Variants in SLC24A2 observed in about 807,000 individuals in gnomAD.
SLC24A2 encodes sodium/potassium/calcium exchanger 2.
A neutral mutation model predicts 62.0 loss-of-function variants in SLC24A2; 36 were observed. The ratio of observed to expected loss-of-function variants is 0.58; its 90% CI spans 0.44 to 0.77. The LOEUF is 0.77. Among genes scored for constraint, SLC24A2 ranks in the 30% least tolerant of loss-of-function variants. The pLI is 0.00. For missense variants in SLC24A2, 846 were observed against 817.9 expected, an observed-to-expected ratio of 1.03 and a Z score of -0.42; for synonymous variants, 358 against 294.0, an observed-to-expected ratio of 1.22 and a Z score of -2.23.
At chr9:20,305,767 G>A in the SLC24A2 span, among the ~76,000 whole-genome samples, 2 of 152,182 alleles carry the variant, frequency 1.3e-5, no homozygotes, top group African/African-American at 4.8e-5. Context: ...ATGGCAAGCG[G>A]CTGAATTGGT....
chr9:19,765,832 A>C (rs1822497830), intron 2 of SLC24A2, among the ~76,000 whole-genome samples: 1 of 152,102 alleles, frequency 6.6e-6, no homozygotes, highest in Admixed American at 6.5e-5. Flanking sequence ...CCTGAATTTG[A>C]ATGTTGGCCT....
At chr9:20,043,605 G>C in the SLC24A2 span, among the ~76,000 whole-genome samples, 1 of 152,208 alleles carries the variant, frequency 6.6e-6, no homozygotes, top group Non-Finnish European at 1.5e-5. Context: ...AGAGGTTTAA[G>C]ACTTCAGTGA....
intron 2 of SLC24A2, among the ~76,000 whole-genome samples, chr9:19,735,751 C>T (rs987680829): frequency 4.6e-5 from 7 of 151,812 alleles, no homozygotes; most frequent in Admixed American, 1.3e-4. Context: ...AGCAAACTAT[C>T]GCAAGGACAA....
At chr9:20,252,767 T>C in the SLC24A2 span, among the ~76,000 whole-genome samples, 1 of 152,162 alleles carries the variant, frequency 6.6e-6, no homozygotes, top group Non-Finnish European at 1.5e-5. Context: ...CAACACCTGA[T>C]CCTAAATCAG....
chr9:19,528,486 C>A (rs1448558986), intron 8 of SLC24A2, among the ~76,000 whole-genome samples: 1 of 152,120 alleles, frequency 6.6e-6, no homozygotes, highest in African/African-American at 2.4e-5. Context: ...ACACCATATT[C>A]TCCCTCCTCC....
chr9:19,954,947 A>C, the SLC24A2 span, among the ~76,000 whole-genome samples: 1 of 151,848 alleles, frequency 6.6e-6, no homozygotes, highest in Non-Finnish European at 1.5e-5. Context: ...TGGTAATGCC[A>C]TCTTTTCTTT....
At chr9:20,075,132 G>A in the SLC24A2 span, among the ~76,000 whole-genome samples, 1 of 151,840 alleles carries the variant, frequency 6.6e-6, no homozygotes, top group African/African-American at 2.4e-5. Context: ...TACTTTTATT[G>A]CTTTTTAACA....
At chr9:19,951,225 GTTGT>G in the SLC24A2 span, among the ~76,000 whole-genome samples, 4 of 126,316 alleles carry the variant, frequency 3.2e-5, no homozygotes, top group Non-Finnish European at 5.0e-5. Context: ...TTTTTCTTAA[GTTGT>G]GTGTGTGTGT....
At chr9:19,641,553 C>T (rs1354629624) in intron 2 of SLC24A2, among the ~76,000 whole-genome samples, 28 of 144,998 alleles carry the variant, frequency 1.9e-4, no homozygotes, top group African/African-American at 6.1e-4. Context: ...CTCACTCGGT[C>T]GCCCAGGCTG....
intron 7 of SLC24A2, among the ~76,000 whole-genome samples, chr9:19,551,418 G>A (rs1193406407): frequency 6.6e-6 from 1 of 152,050 alleles, no homozygotes; most frequent in Non-Finnish European, 1.5e-5. Flanking sequence ...GAGGGTCTGG[G>A]CCCAGCAGGG....
the SLC24A2 span, among the ~76,000 whole-genome samples, chr9:20,034,764 G>A: frequency 0.28 from 42,914 of 152,010 alleles, 6,266 homozygotes; most frequent in Middle Eastern, 0.39. Context: ...CACCGCGCCC[G>A]GCCTGCCTTT....
At chr9:20,278,095 G>C in the SLC24A2 span, among the ~76,000 whole-genome samples, 2 of 152,092 alleles carry the variant, frequency 1.3e-5, no homozygotes, top group Non-Finnish European at 2.9e-5. Flanking sequence ...GTGGGGTTGG[G>C]GGAGGGGGAG....
At chr9:20,150,024 G>A in the SLC24A2 span, among the ~76,000 whole-genome samples, 4 of 152,012 alleles carry the variant, frequency 2.6e-5, no homozygotes, top group Non-Finnish European at 5.9e-5. Context: ...TATAGGAGAT[G>A]TGAATAGAAA....
At chr9:19,865,285 T>G in the SLC24A2 span, among the ~76,000 whole-genome samples, 9 of 152,112 alleles carry the variant, frequency 5.9e-5, no homozygotes, top group Non-Finnish European at 1.2e-4. Flanking sequence ...TACAATGCAA[T>G]TTCTATAAAA....
chr9:20,276,410 A>C, the SLC24A2 span, among the ~76,000 whole-genome samples: 1 of 152,258 alleles, frequency 6.6e-6, no homozygotes, highest in African/African-American at 2.4e-5. Flanking sequence ...ACGCTGATGC[A>C]AGAGTTGGGT....
chr9:20,161,001 A>T, the SLC24A2 span, among the ~76,000 whole-genome samples: 1 of 151,312 alleles, frequency 6.6e-6, no homozygotes, highest in East Asian at 1.9e-4. Context: ...AAATAATTTA[A>T]TTTAAAAAAT....
chr9:19,825,439 C>T, the SLC24A2 span, among the ~76,000 whole-genome samples: 3 of 152,260 alleles, frequency 2.0e-5, no homozygotes, highest in South Asian at 6.2e-4. Context: ...GGGAAATAGA[C>T]ACCTGACAAC....
chr9:19,846,996 T>C, the SLC24A2 span, among the ~76,000 whole-genome samples: 2 of 152,130 alleles, frequency 1.3e-5, no homozygotes, highest in Non-Finnish European at 2.9e-5. Flanking sequence ...CTCTCCAGCC[T>C]GGGTGACAGA....
At chr9:19,871,178 T>G in the SLC24A2 span, among the ~76,000 whole-genome samples, 44 of 152,302 alleles carry the variant, frequency 2.9e-4, 1 homozygote, top group African/African-American at 9.6e-4. Context: ...CTCCATTCTT[T>G]GAACATGTAA....
Sources: gnomAD v4.1 joint callset for allele counts (sites outside exome capture counted in the v4.1 genomes callset) on GRCh38, gnomAD v4.1.1 for gene constraint, MANE v1.5 for transcripts, NCBI Gene and HGNC (gene_info 2026-07-23, HGNC 2026-07-21) for gene names.